The following PDE3A variants were observed in gnomAD, a reference collection of about 807,000 sequenced individuals.
PDE3A encodes the protein cGMP-inhibited 3',5'-cyclic phosphodiesterase 3A.
A neutral mutation model predicts 98.3 loss-of-function variants in PDE3A; 43 were observed. The ratio of observed to expected loss-of-function variants is 0.44; its 90% CI spans 0.34 to 0.56. The LOEUF is 0.56. PDE3A is among the 20% of genes least tolerant of loss of function. The probability of loss-of-function intolerance (pLI) is 0.01; values close to 1 mark genes in which losing one functional copy is unlikely to be tolerated. For missense variants in PDE3A, 1,427 were observed against 1,440.7 expected, an observed-to-expected ratio of 0.99 and a Z score of 0.15; for synonymous variants, 663 against 567.9, an observed-to-expected ratio of 1.17 and a Z score of -2.38.
chr12:20,647,037 T>C, intron 12 of PDE3A, 87 bp downstream of exon 12: 1 of 887,492 alleles, frequency 1.1e-6, no homozygotes, highest in Non-Finnish European at 1.8e-6. Context: ...AGGCACCAAG[T>C]TAATATAAGC....
chr12:20,559,285 A>G (rs181522161), intron 2 of PDE3A, among the ~76,000 whole-genome samples: 7 of 152,220 alleles, frequency 4.6e-5, no homozygotes, highest in Admixed American at 2.0e-4. Context: ...TAGGTGTATA[A>G]TAGGCTATAC....
chr12:20,638,254 T>C (rs558851297), intron 9 of PDE3A, among the ~76,000 whole-genome samples: 1 of 152,278 alleles, frequency 6.6e-6, no homozygotes, highest in Non-Finnish European at 1.5e-5. Flanking sequence ...CTGTGAAGAT[T>C]GAAGGGAAAA....
Position 20,369,742 on chromosome 12 carries a change from C to T in PDE3A, c.458C>T (p.Ala153Val), listed in dbSNP as rs982933509. 5.6e-6 allele frequency: 9 copies of T among 1,612,192 alleles called. No individual in the cohort carries two copies. Among genetic ancestry groups the T allele is most frequent in the Non-Finnish European group, 7.6e-6 (9 of 1,179,756 alleles). ...FFWMGLYLLR[A>V]GVRLPLAVAL... Reference sequence around the variant, plus strand: ...TGGATGGGCTTGTACCTCCTGCGCGCCGGGGTGCGCCTGCCTCTGGCTGTC... The same window carrying T: ...TGGATGGGCTTGTACCTCCTGCGCGTCGGGGTGCGCCTGCCTCTGGCTGTC... The change falls in exon 1 of 16, where the codon GCC becomes GTC. Residue 153 changes from alanine (A) to valine (V), a missense_variant. This residue lies in a region of PDE3A where 1,012 missense variants were observed against 886.5 expected (regional missense o/e 1.14). Coordinates refer to ENST00000359062, the MANE Select transcript of PDE3A (RefSeq NM_000921.5).
chr12:20,462,915 G>A (rs1393637632), intron 1 of PDE3A, among the ~76,000 whole-genome samples: 1 of 151,858 alleles, frequency 6.6e-6, no homozygotes, highest in Non-Finnish European at 1.5e-5. Context: ...TCGGCCTCCT[G>A]AGTATACCAC....
intron 2 of PDE3A, among the ~76,000 whole-genome samples, chr12:20,580,025 A>G (rs535956998): frequency 3.4e-4 from 52 of 152,356 alleles, no homozygotes; most frequent in African/African-American, 9.4e-4. Flanking sequence ...AAATGAGACC[A>G]TGCACGTTAG....
intron 1 of PDE3A, among the ~76,000 whole-genome samples, chr12:20,519,059 G>A (rs1284515003): frequency 6.6e-6 from 1 of 152,148 alleles, no homozygotes; most frequent in Non-Finnish European, 1.5e-5. Context: ...GTAGCAGTTG[G>A]CATTTTTATG....
At chr12:20,485,143 G>T (rs570657986) in intron 1 of PDE3A, among the ~76,000 whole-genome samples, 3 of 152,256 alleles carry the variant, frequency 2.0e-5, no homozygotes, top group African/African-American at 7.2e-5. Flanking sequence ...AGTTCTGGAG[G>T]CTGCAAGTCG....
At chr12:20,640,290 AAGTCTGAC>A (rs1189769634) in intron 10 of PDE3A, among the ~76,000 whole-genome samples, 1 of 152,168 alleles carries the variant, frequency 6.6e-6, no homozygotes, top group Admixed American at 6.5e-5. Context: ...AGCACACAGT[AAGTCTGAC>A]ATAAGTCCAC....
At chr12:20,662,010 G>A (rs988850297) in intron 15 of PDE3A, among the ~76,000 whole-genome samples, 1 of 152,174 alleles carries the variant, frequency 6.6e-6, no homozygotes, top group Non-Finnish European at 1.5e-5. Flanking sequence ...AAGCATCCAT[G>A]AGGGAGGCTG....
chr12:20,451,448 AT>A (rs1945064101), intron 1 of PDE3A, among the ~76,000 whole-genome samples: 1 of 151,884 alleles, frequency 6.6e-6, no homozygotes, highest in Admixed American at 6.6e-5. Flanking sequence ...TAATGTTTGT[AT>A]CTTTAGTAGA....
chr12:20,600,131 C>A (rs1165292301), intron 2 of PDE3A, among the ~76,000 whole-genome samples: 2 of 152,114 alleles, frequency 1.3e-5, no homozygotes, highest in Non-Finnish European at 2.9e-5. Context: ...TCAGTATACT[C>A]CTTTCTCTTC....
rs776856900 is a variant in PDE3A, at chr12:20,533,723, G to GCC, written c.961-22934_961-22933dup. On this transcript the variant is annotated intron_variant, in intron 1 of 15. Coordinates refer to ENST00000359062, the MANE Select transcript of PDE3A (RefSeq NM_000921.5). The stretch of plus-strand genomic sequence containing the variant: ...TCTCGATCTCCTGACCTCATGATCC[G>GCC]CCCCGCCCCCCTTTGGACTCCCAAA... 2.1e-3 allele frequency among the ~76,000 whole-genome samples: 314 copies of GCC among 147,366 alleles called. 4 individuals carry two copies. Among genetic ancestry groups the GCC allele is most frequent in the African/African-American group, 7.7e-3 (306 of 39,546 alleles).
chr12:20,427,530 T>A (rs1944620868), intron 1 of PDE3A, among the ~76,000 whole-genome samples: 1 of 152,180 alleles, frequency 6.6e-6, no homozygotes, highest in Admixed American at 6.5e-5. Flanking sequence ...TTCCTTTAAA[T>A]TCATCTTGTC....
At chr12:20,430,181 C>T (rs1417581946) in intron 1 of PDE3A, among the ~76,000 whole-genome samples, 1 of 152,126 alleles carries the variant, frequency 6.6e-6, no homozygotes, top group Non-Finnish European at 1.5e-5. Context: ...GACTCTACTG[C>T]TTAAACATGG....
chr12:20,457,657 G>A (rs542975270), intron 1 of PDE3A, among the ~76,000 whole-genome samples: 1 of 151,622 alleles, frequency 6.6e-6, no homozygotes, highest in Non-Finnish European at 1.5e-5. Context: ...TATAATGTCT[G>A]TATTCAAAGT....
At chr12:20,580,771 T>A (rs2121341589) in intron 2 of PDE3A, among the ~76,000 whole-genome samples, 1 of 152,324 alleles carries the variant, frequency 6.6e-6, no homozygotes, top group South Asian at 2.1e-4. Context: ...AGCCTAGTAT[T>A]AAAGTAATGC....
At chr12:20,649,198 T>G (rs1454663077) in intron 13 of PDE3A, among the ~76,000 whole-genome samples, 1 of 152,074 alleles carries the variant, frequency 6.6e-6, no homozygotes, top group Admixed American at 6.6e-5. Flanking sequence ...CCCAAAGTGC[T>G]GGGATTACAG....
In PDE3A at chr12:20,481,822, G is replaced by T. The variant is rs1021281063; in HGVS notation, c.961-74838G>T. 1.0e-4 allele frequency among the ~76,000 whole-genome samples: 13 copies of T among 129,584 alleles called. No individual in the cohort carries two copies. The Admixed American group carries it at 1.0e-3, about 10-fold the overall frequency. 85.0% of individuals were successfully genotyped at this position (129,584 alleles called of 152,430 possible). A position where few individuals can be genotyped will look rare whatever the true frequency, so the allele number is the denominator to read the frequency against. The stretch of plus-strand genomic sequence containing the variant: ...TCTTGTCACCCAGGCTGGAATGCAG[G>T]GGTGCGATCTCGGCTCACTGCAAGC... On this transcript the variant is annotated intron_variant, in intron 1 of 15. Coordinates refer to ENST00000359062, the MANE Select transcript of PDE3A (RefSeq NM_000921.5).
At chr12:20,644,811 G>GCCT (rs928837339) in intron 10 of PDE3A, among the ~76,000 whole-genome samples, 1 of 148,946 alleles carries the variant, frequency 6.7e-6, no homozygotes, top group South Asian at 2.1e-4. Context: ...TAGGATTTGA[G>GCCT]CCTCCTCCTC....
Sources: gnomAD v4.1 joint callset for allele counts (sites outside exome capture counted in the v4.1 genomes callset) on GRCh38, gnomAD v4.1.1 for gene constraint, gnomAD v4.1.1 regional missense constraint, MANE v1.5 for transcripts, NCBI Gene and HGNC (gene_info 2026-07-23, HGNC 2026-07-21) for gene names.